Variants in PTBP2 observed in about 807,000 individuals in gnomAD.
PTBP2 encodes polypyrimidine tract binding protein 2.
In PTBP2, 13 loss-of-function variants were observed where a neutral mutation model predicts 61.4. The ratio of observed to expected loss-of-function variants is 0.21; its 90% CI spans 0.14 to 0.34. The LOEUF is 0.34. Among genes scored for constraint, PTBP2 ranks in the 10% least tolerant of loss-of-function variants. The pLI, the probability that PTBP2 is intolerant of heterozygous loss-of-function variation, is 1.00. For synonymous variants in PTBP2, 215 were observed against 218.5 expected (o/e 0.98, Z 0.14); for missense variants, 405 against 642.6 (o/e 0.63, Z 4.00).
intron 2 of PTBP2, among the ~76,000 whole-genome samples, chr1:96,744,243 A>G (rs1475525503): frequency 6.6e-6 from 1 of 152,154 alleles, no homozygotes; most frequent in Non-Finnish European, 1.5e-5. Flanking sequence ...CCATGTATAT[A>G]TGTAAGTTTG....
chr1:96,762,453 C>A (rs1194479733), intron 3 of PTBP2, among the ~76,000 whole-genome samples: 1 of 146,924 alleles, frequency 6.8e-6, no homozygotes, highest in Admixed American at 6.7e-5. Flanking sequence ...GGCTGACCCC[C>A]CCACCTCCCT....
At chr1:96,780,491 C>T (rs1017550556) in intron 7 of PTBP2, among the ~76,000 whole-genome samples, 2 of 152,010 alleles carry the variant, frequency 1.3e-5, no homozygotes, top group African/African-American at 4.8e-5. Context: ...GCGTCACCAG[C>T]GATTAGTAGA....
intron 2 of PTBP2, among the ~76,000 whole-genome samples, chr1:96,734,716 T>G (rs1651908045): frequency 6.6e-6 from 1 of 151,936 alleles, no homozygotes; most frequent in Admixed American, 6.6e-5. Flanking sequence ...AAATTGGTAG[T>G]TAGATCTAGA....
At chr1:96,764,271 G>A (rs899584231) in intron 3 of PTBP2, among the ~76,000 whole-genome samples, 1 of 152,110 alleles carries the variant, frequency 6.6e-6, no homozygotes, top group African/African-American at 2.4e-5. Flanking sequence ...GATACAGTAA[G>A]GACATTTTCT....
chr1:96,723,191 T>C (rs1014395663), intron 1 of PTBP2, among the ~76,000 whole-genome samples: 1 of 152,166 alleles, frequency 6.6e-6, no homozygotes, highest in African/African-American at 2.4e-5. Flanking sequence ...ATGTCAAAAC[T>C]TGCACTAGAA....
rs577085666 is a variant in PTBP2 at position 96,749,804 on chromosome 1, G to A, written c.40-1621G>A. ...GCACTTTGCCTGGTAATCACTGTTC[G>A]TGTATAATTTAATCCTAAGGGCTGT... is the stretch of plus-strand genomic sequence containing the variant. On this transcript the variant is annotated intron_variant, in intron 2 of 13. Transcript: ENST00000674951. The A allele has an allele frequency of 1.8e-3, 645 of 350,750 alleles. 2 individuals carry two copies. The highest frequency in any genetic ancestry group is 3.1e-3 in the South Asian group (143 of 46,806). The allele number at this position is 350,750 out of a possible 1,614,324, so 21.7% of individuals were successfully genotyped here.
chr1:96,759,029 A>T (rs948155076), intron 3 of PTBP2, among the ~76,000 whole-genome samples: 4 of 152,164 alleles, frequency 2.6e-5, no homozygotes, highest in South Asian at 2.1e-4. Context: ...ATGAAATTTT[A>T]AAAAATCTGT....
At chr1:96,793,852 G>C (rs1376053221) in intron 8 of PTBP2, among the ~76,000 whole-genome samples, 1 of 152,126 alleles carries the variant, frequency 6.6e-6, no homozygotes, top group African/African-American at 2.4e-5. Context: ...TTTGATGGTA[G>C]TTGGGAACTT....
At chr1:96,747,511 T>G (rs902830786) in intron 2 of PTBP2, among the ~76,000 whole-genome samples, 2 of 152,164 alleles carry the variant, frequency 1.3e-5, no homozygotes, top group African/African-American at 4.8e-5. Flanking sequence ...TTGTATTTAG[T>G]AGGGATCTGG....
chr1:96,736,030 A>C (rs1372950071), intron 2 of PTBP2, among the ~76,000 whole-genome samples: 2 of 152,232 alleles, frequency 1.3e-5, no homozygotes. Flanking sequence ...CAGCATGGGC[A>C]TCCAGAAGAT....
At chr1:96,798,565 C>T (rs1445610998) in intron 8 of PTBP2, among the ~76,000 whole-genome samples, 1 of 152,012 alleles carries the variant, frequency 6.6e-6, no homozygotes, top group Non-Finnish European at 1.5e-5. Context: ...TTTAGAATGG[C>T]AGATGGAGGG....
intron 2 of PTBP2, among the ~76,000 whole-genome samples, chr1:96,744,895 A>G (rs1477408815): frequency 6.6e-6 from 1 of 152,000 alleles, no homozygotes; most frequent in Non-Finnish European, 1.5e-5. Flanking sequence ...AAACGTTCTG[A>G]TTGTTATTCT....
intron 2 of PTBP2, among the ~76,000 whole-genome samples, chr1:96,750,188 A>T (rs564230314): frequency 2.0e-5 from 3 of 152,016 alleles, no homozygotes; most frequent in African/African-American, 4.8e-5. Context: ...AGGATTAGGG[A>T]CCACACTTTG....
intron 5 of PTBP2, among the ~76,000 whole-genome samples, chr1:96,774,011 T>C (rs1470340255): frequency 6.7e-6 from 1 of 149,884 alleles, no homozygotes; most frequent in Non-Finnish European, 1.5e-5. Context: ...GCACTTTGGC[T>C]CATGCCTGTA....
intron 2 of PTBP2, among the ~76,000 whole-genome samples, chr1:96,743,824 T>G (rs894794304): frequency 2.0e-5 from 3 of 152,120 alleles, no homozygotes; most frequent in Non-Finnish European, 2.9e-5. Context: ...AGCTGTTTTA[T>G]TAAATGAAAA....
chr1:96,765,786 A>G (rs1656637108), intron 3 of PTBP2, among the ~76,000 whole-genome samples: 1 of 152,134 alleles, frequency 6.6e-6, no homozygotes. Context: ...TATATTTAAT[A>G]AGTAAAGATA....
intron 3 of PTBP2, among the ~76,000 whole-genome samples, chr1:96,766,808 CAG>C (rs1288054588): frequency 6.6e-6 from 1 of 152,042 alleles, no homozygotes; most frequent in Non-Finnish European, 1.5e-5. Context: ...GAGAAGAGGA[CAG>C]ATCTTTTTTA....
At chr1:96,820,231 A>G (rs1342925836) in exon 14 of PTBP2, 2 of 151,882 alleles carry the variant, frequency 1.3e-5, no homozygotes, top group Admixed American at 1.3e-4. Context: ...TTGGCATTCT[A>G]TTTATGGAAG....
At chr1:96,751,319 TTAAC>T (rs1654510359) in intron 2 of PTBP2, 102 bp from the exon 3 acceptor site, 1 of 899,020 alleles carries the variant, frequency 1.1e-6, no homozygotes, top group Non-Finnish European at 1.8e-6. Context: ...ATTAACATTT[TTAAC>T]TATTCCCAAT....
Sources: gnomAD v4.1 joint callset for allele counts (sites outside exome capture counted in the v4.1 genomes callset) on GRCh38, gnomAD v4.1.1 for gene constraint, MANE v1.5 for transcripts, NCBI Gene and HGNC (gene_info 2026-07-23, HGNC 2026-07-21) for gene names.